FOXP1: variants seen among roughly 807,000 people sequenced by gnomAD.
FOXP1 encodes the protein forkhead box P1.
Under a neutral mutation model 98.2 loss-of-function variants are expected in FOXP1, and 15 were observed. The ratio of observed to expected loss-of-function variants is 0.15; its 90% CI spans 0.10 to 0.24. FOXP1 has a LOEUF of 0.24. FOXP1 is among the 10% of genes least tolerant of loss of function. The pLI, the probability that FOXP1 is intolerant of heterozygous loss-of-function variation, is 1.00. For missense variants in FOXP1, 633 were observed against 848.5 expected, an observed-to-expected ratio of 0.75 and a Z score of 3.15; for synonymous variants, 371 against 314.5, an observed-to-expected ratio of 1.18 and a Z score of -1.90.
At position 71,413,921 on chromosome 3, in the gene FOXP1, T is replaced by C. The variant is rs188046685; in HGVS notation, c.-167-54677A>G. Among the ~76,000 whole-genome samples the C allele has an allele frequency of 2.8e-3, 433 of 152,156 alleles. 3 individuals carry two copies. Among genetic ancestry groups the C allele is most frequent in the African/African-American group, 0.01 (416 of 41,518 alleles). ...CAACATTTATTCCTTGTGAAATAAA[T>C]AGACATGGAATTACGAGAAGGAGCC... On this transcript the variant is annotated intron_variant, in intron 3 of 20. Coordinates refer to ENST00000649528, the MANE Select transcript of FOXP1 (RefSeq NM_001349338.3).
intron 6 of FOXP1, among the ~76,000 whole-genome samples, chr3:71,114,254 A>G (rs1207594551): frequency 6.6e-6 from 1 of 152,182 alleles, no homozygotes; most frequent in African/African-American, 2.4e-5. Context: ...TTTACAAGAA[A>G]AGTTACAGGG....
At chr3:71,129,362 A>G (rs2059425104) in intron 6 of FOXP1, among the ~76,000 whole-genome samples, 1 of 152,174 alleles carries the variant, frequency 6.6e-6, no homozygotes, top group Non-Finnish European at 1.5e-5. Flanking sequence ...ATGCACACAC[A>G]CATACATACA....
In FOXP1 at chr3:71,562,886, C is replaced by A. The variant is rs1578191315; in HGVS notation, c.-298+18663G>T. 2.0e-5 allele frequency among the ~76,000 whole-genome samples: 3 copies of A among 152,172 alleles called. No homozygotes were observed. The East Asian group carries it at 5.8e-4, about 29-fold the overall frequency. ...ATAATCTGGACTTCCTGGGCCCATTCCTTTGTCTCTATTTTATTTGGTATT... is the reference window on the plus strand; with the variant it reads ...ATAATCTGGACTTCCTGGGCCCATTACTTTGTCTCTATTTTATTTGGTATT... On this transcript the variant is annotated intron_variant, in intron 2 of 20. Coordinates refer to ENST00000649528, the MANE Select transcript of FOXP1 (RefSeq NM_001349338.3).
chr3:71,113,713 A>AAAATAAAAT (rs2107757951), intron 6 of FOXP1, among the ~76,000 whole-genome samples: 1 of 23,194 alleles, frequency 4.3e-5, no homozygotes, highest in South Asian at 1.0e-3. Context: ...CTTCCATCTC[A>AAAATAAAAT]AAATAAAATA....
intron 5 of FOXP1, among the ~76,000 whole-genome samples, chr3:71,234,159 TA>T (rs11362569): frequency 0.52 from 76,824 of 148,830 alleles, 19,822 homozygotes; most frequent in Middle Eastern, 0.6. Flanking sequence ...ATATTATAAG[TA>T]AAAAAAAAAA....
At chr3:71,232,886 A>AAAAAAAAAAAAAAAAAAAAAAAAAAAAC (rs2066428654) in intron 5 of FOXP1, among the ~76,000 whole-genome samples, 1 of 145,994 alleles carries the variant, frequency 6.8e-6, no homozygotes, top group Non-Finnish European at 1.5e-5. Context: ...TCAAAAAAAA[A>AAAAAAAAAAAAAAAAAAAAAAAAAAAAC]AAAAAAAAAA....
intron 4 of FOXP1, among the ~76,000 whole-genome samples, chr3:71,358,086 C>G (rs542839761): frequency 6.6e-6 from 1 of 152,278 alleles, no homozygotes; most frequent in African/African-American, 2.4e-5. Flanking sequence ...GAGCCTGTCT[C>G]TCTGTTTTGA....
chr3:71,331,147 CG>C (rs2076270006), intron 4 of FOXP1, among the ~76,000 whole-genome samples: 1 of 152,196 alleles, frequency 6.6e-6, no homozygotes, highest in African/African-American at 2.4e-5. Context: ...GAGGTGTGGG[CG>C]GGAACTGGGG....
chr3:71,522,788 C>T lies in FOXP1; in HGVS notation c.-297-29233G>A, dbSNP rs55793627. Among the ~76,000 whole-genome samples, 297 of 152,260 alleles carry T rather than the reference C, an allele frequency of 2.0e-3. 2 individuals carry two copies. Among genetic ancestry groups the T allele is most frequent in the African/African-American group, 7.0e-3 (289 of 41,550 alleles). Reference sequence around the variant, plus strand: ...GTCTGATGTTTGCACACAGAGAATGCAGTGGTCTCAAGCTGGGATGGGCCT... The same window carrying T: ...GTCTGATGTTTGCACACAGAGAATGTAGTGGTCTCAAGCTGGGATGGGCCT... On this transcript the variant is annotated intron_variant, in intron 2 of 20. Coordinates refer to ENST00000649528, the MANE Select transcript of FOXP1 (RefSeq NM_001349338.3).
intron 3 of FOXP1, among the ~76,000 whole-genome samples, chr3:71,423,160 C>G (rs1280136577): frequency 6.6e-6 from 1 of 152,222 alleles, no homozygotes; most frequent in Non-Finnish European, 1.5e-5. Context: ...CTTCAAAGCT[C>G]TCACTGAGGG....
chr3:71,482,251 CTCACA>C (rs1560546224), intron 3 of FOXP1, among the ~76,000 whole-genome samples: 1 of 152,062 alleles, frequency 6.6e-6, no homozygotes, highest in Non-Finnish European at 1.5e-5. Context: ...CCTTAAGCTT[CTCACA>C]TTTTTATTAA....
At chr3:71,080,720 A>G (rs1469694966) in intron 7 of FOXP1, among the ~76,000 whole-genome samples, 4 of 152,120 alleles carry the variant, frequency 2.6e-5, no homozygotes, top group Non-Finnish European at 1.5e-5. Flanking sequence ...AATCTGGCCA[A>G]TGTTCTTCCC....
intron 11 of FOXP1, among the ~76,000 whole-genome samples, chr3:71,035,773 A>G (rs377553384): frequency 0.018 from 2,675 of 146,024 alleles, 34 homozygotes; most frequent in Non-Finnish European, 0.028. Flanking sequence ...ATTTTTGGGG[A>G]AAAAAAAAAA....
intron 16 of FOXP1, 102 bp downstream of exon 16, chr3:70,977,541 C>A: frequency 2.1e-6 from 2 of 963,190 alleles, no homozygotes; most frequent in Middle Eastern, 3.2e-4. Context: ...AAGGTTTCAG[C>A]ATGCTTGCAT....
intron 3 of FOXP1, among the ~76,000 whole-genome samples, chr3:71,430,339 G>A (rs542965708): frequency 2.6e-5 from 4 of 152,270 alleles, no homozygotes; most frequent in East Asian, 3.9e-4. Context: ...ATTGCAAGCC[G>A]AATGAATAAT....
At chr3:71,097,876 G>T (rs1348790805) in intron 7 of FOXP1, among the ~76,000 whole-genome samples, 2 of 152,134 alleles carry the variant, frequency 1.3e-5, no homozygotes. Context: ...CATCTTTGAA[G>T]AAAATTTTAT....
In FOXP1 at chr3:71,345,871, T is replaced by TAAAAAAAAAA. The variant is rs71120316; in HGVS notation, c.-73+13269_-73+13278dup. On this transcript the variant is annotated intron_variant, in intron 4 of 20. Transcript: ENST00000649528. ...AGGTTTGAAATCAATAAAGTTTTTG[T>TAAAAAAAAAA]AAAAAAAAAAAAAAAAAAAAAAAAA... Among the ~76,000 whole-genome samples, 107 of 55,090 alleles carry TAAAAAAAAAA rather than the reference T, an allele frequency of 1.9e-3. 15 individuals are homozygous for TAAAAAAAAAA. The highest frequency in any genetic ancestry group is 7.7e-3 in the East Asian group (12 of 1,550). 36.1% of individuals were successfully genotyped at this position (55,090 alleles called of 152,430 possible).
intron 6 of FOXP1, among the ~76,000 whole-genome samples, chr3:71,183,400 G>A (rs2062448899): frequency 6.6e-6 from 1 of 152,194 alleles, no homozygotes; most frequent in Non-Finnish European, 1.5e-5. Flanking sequence ...TCAGGAGGCT[G>A]AGGGAGGAGA....
At chr3:71,371,110 T>C (rs1313760500) in intron 3 of FOXP1, among the ~76,000 whole-genome samples, 3 of 152,258 alleles carry the variant, frequency 2.0e-5, no homozygotes, top group Non-Finnish European at 4.4e-5. Flanking sequence ...TGATTCACTA[T>C]GGCTACAGTG....
Sources: gnomAD v4.1 joint callset for allele counts (sites outside exome capture counted in the v4.1 genomes callset) on GRCh38, gnomAD v4.1.1 for gene constraint, MANE v1.5 for transcripts, NCBI Gene and HGNC (gene_info 2026-07-23, HGNC 2026-07-21) for gene names.